Variants in SMARCC1 observed in about 807,000 individuals in gnomAD.
SMARCC1 encodes the protein SWI/SNF related BAF chromatin remodeling complex subunit C1.
In SMARCC1, 43 loss-of-function variants were observed where a neutral mutation model predicts 147.4. That is an observed-to-expected ratio of 0.29 (90% CI 0.23 to 0.38). The LOEUF (loss-of-function observed/expected upper bound fraction) is 0.38. Among genes scored for constraint, SMARCC1 ranks in the 10% least tolerant of loss-of-function variants. The probability of loss-of-function intolerance (pLI) is 1.00; values close to 1 mark genes in which losing one functional copy is unlikely to be tolerated. For missense variants in SMARCC1, 1,119 were observed against 1,381.1 expected, an observed-to-expected ratio of 0.81 and a Z score of 3.01; for synonymous variants, 495 against 484.4, an observed-to-expected ratio of 1.02 and a Z score of -0.29.
At chr3:47,694,098 T>C (rs1317915646) in intron 11 of SMARCC1, among the ~76,000 whole-genome samples, 2 of 152,192 alleles carry the variant, frequency 1.3e-5, no homozygotes, top group African/African-American at 2.4e-5. Context: ...TTAAATTACA[T>C]TACATTTCTT....
chr3:47,724,942 T>C (rs1242051634), intron 6 of SMARCC1, among the ~76,000 whole-genome samples: 2 of 140,848 alleles, frequency 1.4e-5, no homozygotes, highest in East Asian at 2.2e-4. Context: ...TCCCAGCTAC[T>C]TGGGAGGCTG....
At chr3:47,720,218 G>A (rs1433898280) in intron 7 of SMARCC1, among the ~76,000 whole-genome samples, 2 of 151,970 alleles carry the variant, frequency 1.3e-5, no homozygotes, top group African/African-American at 4.8e-5. Context: ...CCACCTCCCG[G>A]GTTCAAGGGA....
chr3:47,666,891 AATGAT>A (rs1361554418), intron 19 of SMARCC1, among the ~76,000 whole-genome samples: 1 of 152,224 alleles, frequency 6.6e-6, no homozygotes, highest in Non-Finnish European at 1.5e-5. Context: ...AAGTACATAG[AATGAT>A]ATATTTCCTG....
intron 24 of SMARCC1, among the ~76,000 whole-genome samples, chr3:47,624,746 G>A (rs183320677): frequency 1.2e-3 from 181 of 152,178 alleles, no homozygotes; most frequent in African/African-American, 2.1e-3. Context: ...TAGGGCAAGC[G>A]ATGATTCAAA....
intron 21 of SMARCC1, among the ~76,000 whole-genome samples, chr3:47,657,789 G>A (rs980210976): frequency 6.6e-6 from 1 of 151,748 alleles, no homozygotes; most frequent in Admixed American, 6.6e-5. Context: ...CTTCAGCCTA[G>A]GCAACAACAG....
chr3:47,781,647 G>C lies in SMARCC1; in HGVS notation c.151C>G (p.Gln51Glu). 1 of 1,556,616 alleles carries C rather than the reference G, an allele frequency of 6.4e-7. No individual in the cohort carries two copies. Among genetic ancestry groups the C allele is most frequent in the Middle Eastern group, 1.7e-4 (1 of 5,934 alleles). The change falls in exon 1 of 28, where the codon CAG becomes GAG. Residue 51 changes from glutamine to glutamate, a missense_variant. This residue lies in a region of SMARCC1 where 542 missense variants were observed against 611.8 expected (regional missense o/e 0.89). Coordinates refer to ENST00000254480, the MANE Select transcript of SMARCC1 (RefSeq NM_003074.4). The part of the protein sequence containing the change: ...KFWESPETVS[Q>E]LDSVRVWLGK... ...AGCCAGACCCGCACCGAATCCAGCT[G>C]GGACACCGTCTCCGGGCTCTCCCAA...
chr3:47,659,764 G>GGA (rs1051367705), intron 21 of SMARCC1, among the ~76,000 whole-genome samples: 7 of 126,918 alleles, frequency 5.5e-5, no homozygotes, highest in Non-Finnish European at 1.2e-4. Flanking sequence ...AAAAAAAGGG[G>GGA]GGGGGGGCAA....
chr3:47,616,215 G>A (rs572963903), intron 25 of SMARCC1, among the ~76,000 whole-genome samples: 10 of 152,254 alleles, frequency 6.6e-5, no homozygotes, highest in East Asian at 3.9e-4. Flanking sequence ...CTCTGTTGAC[G>A]GCTGTGTGCT....
chr3:47,717,999 C>CA (rs1409672801), intron 7 of SMARCC1, among the ~76,000 whole-genome samples: 4 of 151,568 alleles, frequency 2.6e-5, no homozygotes, highest in Non-Finnish European at 4.4e-5. Context: ...CCCCCGCCAA[C>CA]AAAAAATTAA....
chr3:47,726,061 C>CCAAAAAAAAAAAAAA (rs2034296050), intron 6 of SMARCC1, among the ~76,000 whole-genome samples: 2 of 50,782 alleles, frequency 3.9e-5, no homozygotes, highest in East Asian at 1.4e-3. Flanking sequence ...GACTCTGTCT[C>CCAAAAAAAAAAAAAA]AAAAAAAAAA....
intron 2 of SMARCC1, among the ~76,000 whole-genome samples, chr3:47,760,464 C>G (rs1442690372): frequency 6.6e-6 from 1 of 152,040 alleles, no homozygotes; most frequent in Non-Finnish European, 1.5e-5. Context: ...GAGTTGGAGA[C>G]CAGCCTGGCC....
chr3:47,683,067 G>A (rs955942076), intron 14 of SMARCC1, among the ~76,000 whole-genome samples: 3 of 152,204 alleles, frequency 2.0e-5, no homozygotes, highest in African/African-American at 7.2e-5. Context: ...TTTTGAGACG[G>A]AGTCTCGCTC....
chr3:47,605,663 C>T (rs1295491470), intron 26 of SMARCC1, among the ~76,000 whole-genome samples: 1 of 152,148 alleles, frequency 6.6e-6, no homozygotes, highest in Non-Finnish European at 1.5e-5. Flanking sequence ...GTCCCAGCTA[C>T]TCAAGAGGCT....
At chr3:47,677,469 C>T (rs2033588867) in intron 16 of SMARCC1, among the ~76,000 whole-genome samples, 2 of 150,894 alleles carry the variant, frequency 1.3e-5, no homozygotes, top group Non-Finnish European at 2.9e-5. Flanking sequence ...CCTGAATCCA[C>T]TCCATCCCTG....
rs751322720 is a variant in SMARCC1 at position 47,676,645 on chromosome 3, T to G, written c.1709A>C (p.His570Pro). The change falls in exon 17 of 28, where the codon CAT becomes CCT. Residue 570 changes from histidine to proline, a missense_variant. This residue lies in a region of SMARCC1 where 178 missense variants were observed against 264.6 expected (regional missense o/e 0.67). Transcript: ENST00000254480. ...TTAATTTACCTGAGGTGATCGAAGA[T>G]GCAGAGGCACAAGCCCAGAGGGGGT... ...ADTPSGLVPL[H>P]LRSPQVPAAQ... is the part of the protein sequence containing the mutation. 6.2e-7 allele frequency: 1 copy of G among 1,613,984 alleles called. No homozygotes were observed. The highest frequency in any genetic ancestry group is 8.5e-7 in the Non-Finnish European group (1 of 1,179,928).
intron 1 of SMARCC1, among the ~76,000 whole-genome samples, chr3:47,776,207 C>G (rs567511705): frequency 6.6e-6 from 1 of 152,154 alleles, no homozygotes; most frequent in South Asian, 2.1e-4. Flanking sequence ...ATACATTGTA[C>G]TTATCCGCAA....
intron 2 of SMARCC1, among the ~76,000 whole-genome samples, chr3:47,760,393 T>A (rs901891139): frequency 6.6e-6 from 1 of 151,664 alleles, no homozygotes; most frequent in East Asian, 1.9e-4. Context: ...CCAGAGGGAG[T>A]GGCTCATGCC....
intron 2 of SMARCC1, among the ~76,000 whole-genome samples, chr3:47,763,407 T>A (rs369373116): frequency 6.9e-6 from 1 of 145,176 alleles, no homozygotes; most frequent in African/African-American, 2.5e-5. Flanking sequence ...ACTCCAGCTC[T>A]AAAAAAAAAA....
chr3:47,625,703 T>G (rs2032800378), intron 24 of SMARCC1, among the ~76,000 whole-genome samples: 1 of 152,074 alleles, frequency 6.6e-6, no homozygotes, highest in Non-Finnish European at 1.5e-5. Flanking sequence ...GATCTAAATA[T>G]AAAAGTATAC....
Sources: gnomAD v4.1 joint callset for allele counts (sites outside exome capture counted in the v4.1 genomes callset) on GRCh38, gnomAD v4.1.1 for gene constraint, gnomAD v4.1.1 regional missense constraint, MANE v1.5 for transcripts, NCBI Gene and HGNC (gene_info 2026-07-23, HGNC 2026-07-21) for gene names.